Variants in ZNF438 observed in about 807,000 individuals in gnomAD.
ZNF438 encodes zinc finger protein 438.
In ZNF438, 25 loss-of-function variants were observed where a neutral mutation model predicts 38.0. The ratio of observed to expected loss-of-function variants is 0.66; its 90% CI spans 0.48 to 0.92. The LOEUF is 0.92. Ranked by LOEUF, ZNF438 falls within the 40% of genes least tolerant of loss-of-function variation. The probability of loss-of-function intolerance (pLI) is 0.00; values close to 1 mark genes in which losing one functional copy is unlikely to be tolerated. For missense variants in ZNF438, 1,007 were observed against 999.6 expected (o/e 1.01, Z -0.10); for synonymous variants, 372 against 364.1 (o/e 1.02, Z -0.25).
chr10:30,938,864 G>A (rs2046529588), intron 2 of ZNF438, among the ~76,000 whole-genome samples: 1 of 151,744 alleles, frequency 6.6e-6, no homozygotes, highest in African/African-American at 2.4e-5. Flanking sequence ...GCACGATCTT[G>A]GCTCAGTGCA....
At chr10:30,970,274 GAAGC>G (rs1279282127) in intron 1 of ZNF438, among the ~76,000 whole-genome samples, 28 of 152,130 alleles carry the variant, frequency 1.8e-4, no homozygotes, top group African/African-American at 5.6e-4. Flanking sequence ...ATAAAGGATA[GAAGC>G]AAGTAGGTTA....
chr10:30,992,651 G>T (rs942303324), intron 1 of ZNF438, among the ~76,000 whole-genome samples: 2 of 152,226 alleles, frequency 1.3e-5, no homozygotes, highest in Non-Finnish European at 2.9e-5. Flanking sequence ...AACCTCAGGT[G>T]ATCTGCCTGC....
intron 1 of ZNF438, among the ~76,000 whole-genome samples, chr10:31,011,751 T>A (rs1187207862): frequency 6.6e-6 from 1 of 152,258 alleles, no homozygotes; most frequent in Admixed American, 6.5e-5. Context: ...TCTGGATTAC[T>A]TAATTGCCCA....
chr10:30,885,429 T>C (rs1270399057), intron 3 of ZNF438, among the ~76,000 whole-genome samples: 2 of 152,242 alleles, frequency 1.3e-5, no homozygotes. Context: ...ACCTAGATTG[T>C]ATTCTACACT....
chr10:30,976,613 G>A (rs2051383200), intron 1 of ZNF438, among the ~76,000 whole-genome samples: 3 of 151,924 alleles, frequency 2.0e-5, no homozygotes, highest in Admixed American at 2.0e-4. Flanking sequence ...CAGGTGTAGT[G>A]GCACACTTAT....
intron 4 of ZNF438, among the ~76,000 whole-genome samples, chr10:30,874,062 A>G (rs1211585870): frequency 2.0e-5 from 3 of 148,322 alleles, no homozygotes; most frequent in African/African-American, 2.5e-5. Flanking sequence ...ACATGCAATT[A>G]AACAAATATA....
chr10:30,887,458 G>C (rs1026972311), intron 3 of ZNF438, among the ~76,000 whole-genome samples: 4 of 150,298 alleles, frequency 2.7e-5, no homozygotes, highest in African/African-American at 9.7e-5. Flanking sequence ...CTGTACTCCA[G>C]CCCAGATTCC....
At position 30,982,163 on chromosome 10, in the gene ZNF438, G is replaced by A. The variant is rs1438150393; in HGVS notation, c.-191-40512C>T. On this transcript the variant is annotated intron_variant, in intron 1 of 5. Coordinates refer to ENST00000413025, the Ensembl canonical transcript of ZNF438. ...GTCACCCAGGCTGGAGTACAGTGGC[G>A]CGATCTCGGCTCACTGCGAACTCCG... 6.7e-5 allele frequency among the ~76,000 whole-genome samples: 10 copies of A among 149,754 alleles called. 1 individual carries two copies. The South Asian group carries it at 1.1e-3, about 16-fold the overall frequency.
exon 5 of ZNF438, chr10:30,849,180 T>C: frequency 6.2e-7 from 1 of 1,614,042 alleles, no homozygotes; most frequent in Non-Finnish European, 8.5e-7. Flanking sequence ...TTACCATCTC[T>C]ACACTTATTA....
chr10:31,026,212 T>A (rs1432177016), intron 1 of ZNF438, among the ~76,000 whole-genome samples: 7 of 152,098 alleles, frequency 4.6e-5, no homozygotes, highest in Non-Finnish European at 1.5e-5. Flanking sequence ...CCAAAAGCAA[T>A]GGCAACAAAA....
At chr10:30,984,647 T>C (rs767587575) in intron 1 of ZNF438, among the ~76,000 whole-genome samples, 13 of 152,084 alleles carry the variant, frequency 8.5e-5, no homozygotes, top group Admixed American at 8.5e-4. Flanking sequence ...TTAAGATAAA[T>C]AGAAAATGTT....
intron 3 of ZNF438, among the ~76,000 whole-genome samples, chr10:30,898,282 G>A (rs2041597219): frequency 6.6e-6 from 1 of 152,088 alleles, no homozygotes; most frequent in South Asian, 2.1e-4. Context: ...AGAACAACAA[G>A]AATAAAGTAG....
chr10:30,983,565 T>C (rs932881578), intron 1 of ZNF438, among the ~76,000 whole-genome samples: 3 of 152,120 alleles, frequency 2.0e-5, no homozygotes, highest in African/African-American at 7.2e-5. Context: ...ACATTGGAAA[T>C]TACAATTTGA....
intron 1 of ZNF438, among the ~76,000 whole-genome samples, chr10:30,959,031 C>T (rs1287313398): frequency 1.4e-5 from 2 of 147,190 alleles, no homozygotes; most frequent in South Asian, 4.3e-4. Flanking sequence ...AGAGCAATTA[C>T]ATACAAGTCT....
chr10:30,892,009 A>G (rs1271257715), intron 3 of ZNF438, among the ~76,000 whole-genome samples: 2 of 152,234 alleles, frequency 1.3e-5, no homozygotes, highest in Non-Finnish European at 2.9e-5. Flanking sequence ...CAAAATAAAA[A>G]CCATAAAATA....
chr10:30,947,372 T>C (rs529596112), intron 1 of ZNF438, among the ~76,000 whole-genome samples: 1 of 152,348 alleles, frequency 6.6e-6, no homozygotes, highest in Admixed American at 6.5e-5. Flanking sequence ...CATAACAGAA[T>C]CTAGTAAAGG....
At chr10:30,864,050 C>T (rs549579212) in intron 4 of ZNF438, among the ~76,000 whole-genome samples, 2 of 152,288 alleles carry the variant, frequency 1.3e-5, no homozygotes, top group Admixed American at 1.3e-4. Flanking sequence ...TCCCCAGGGC[C>T]ATCTCTCTCT....
chr10:30,943,850 TGA>T, intron 1 of ZNF438, among the ~76,000 whole-genome samples: 1 of 135,888 alleles, frequency 7.4e-6, no homozygotes, highest in African/African-American at 2.7e-5. Context: ...TGCTTTTTCT[TGA>T]GATGGTAAAA....
At chr10:30,857,243 C>T (rs1033307600) in intron 4 of ZNF438, among the ~76,000 whole-genome samples, 1 of 149,120 alleles carries the variant, frequency 6.7e-6, no homozygotes. Flanking sequence ...AATGGCTTGT[C>T]ATATTCTAAA....
Sources: gnomAD v4.1 joint callset for allele counts (sites outside exome capture counted in the v4.1 genomes callset) on GRCh38, gnomAD v4.1.1 for gene constraint, MANE v1.5 for transcripts, NCBI Gene and HGNC (gene_info 2026-07-23, HGNC 2026-07-21) for gene names.